Variants in GRN observed in about 807,000 individuals in gnomAD.
The protein encoded by GRN is progranulin.
A neutral mutation model predicts 66.7 loss-of-function variants in GRN; 30 were observed. That is an observed-to-expected ratio of 0.45 (90% CI 0.34 to 0.61). GRN has a LOEUF of 0.61. Among genes scored for constraint, GRN ranks in the 20% least tolerant of loss-of-function variants. The pLI is 0.01. For synonymous variants in GRN, 327 were observed against 311.1 expected, an observed-to-expected ratio of 1.05 and a Z score of -0.54; for missense variants, 731 against 803.5, an observed-to-expected ratio of 0.91 and a Z score of 1.09.
At chr17:44,349,358 A>C in intron 2 of GRN, 56 bp downstream of exon 2, 1 of 1,614,082 alleles carries the variant, frequency 6.2e-7, no homozygotes, top group Non-Finnish European at 8.5e-7. Context: ...CCAAAGGGTC[A>C]TCTTGGATTG....
chr17:44,350,441 G>T lies in GRN; in HGVS notation c.463-1G>T, dbSNP rs63750536. ...ACGGAGTCAGGACCATTTTTTCTCA[G>T]GCTTCCTGCTGTGAAGACAGGGTGC... On this transcript the variant is annotated splice_acceptor_variant, in intron 5 of 12. Transcript: ENST00000053867. LOFTEE classifies it high-confidence loss of function. 6.2e-7 allele frequency: 1 copy of T among 1,613,930 alleles called. No homozygotes were observed.
chr17:44,352,493 G>T lies in GRN; in HGVS notation c.1566G>T (p.Gly522=), dbSNP rs902984872. 6.2e-7 allele frequency: 1 copy of T among 1,613,904 alleles called. No individual in the cohort carries two copies. Among genetic ancestry groups the T allele is most frequent in the African/African-American group, 1.3e-5 (1 of 74,978 alleles). The change falls in exon 12 of 13, where the codon GGG becomes GGT. Residue 522 remains glycine, a synonymous_variant. Coordinates refer to ENST00000053867, the MANE Select transcript of GRN (RefSeq NM_002087.4). ...TGGGTGTGAAGGACGTGGAGTGTGG[G>T]GAAGGACACTTCTGCCATGATAACC... ...PHVGVKDVEC[G]EGHFCHDNQT...
In GRN at chr17:44,351,220, C is replaced by G. The variant is rs530854692; in HGVS notation, c.835+57C>G. 7.9e-5 allele frequency: 126 copies of G among 1,603,742 alleles called. No individual in the cohort carries two copies. The Admixed American group carries it at 1.4e-3, about 18-fold the overall frequency. On this transcript the variant is annotated intron_variant, in intron 8 of 12. Transcript: ENST00000053867. ...GGGCCCCCTTTCCTCCCTTTTAGGC[C>G]TGGCCTTAGGATCACTGCAAGGTGG... is the stretch of plus-strand genomic sequence containing the variant.
At position 44,349,766 on chromosome 17, in the gene GRN, T is replaced by A; in HGVS notation, c.349+15T>A. 2 of 1,560,172 alleles carry A rather than the reference T, an allele frequency of 1.3e-6. No homozygotes were observed. The highest frequency in any genetic ancestry group is 3.3e-5 in the Admixed American group (2 of 59,844). On this transcript the variant is annotated intron_variant, in intron 4 of 12. Coordinates refer to ENST00000053867, the MANE Select transcript of GRN (RefSeq NM_002087.4). Reference sequence around the variant, plus strand: ...CCAAAGATCAGGTGCAGCTGGGGTGTGGGTGCAGGGCAGGCAGACGGGCAG... The same window carrying A: ...CCAAAGATCAGGTGCAGCTGGGGTGAGGGTGCAGGGCAGGCAGACGGGCAG...
rs2048362379 is a variant in GRN at position 44,350,508 on chromosome 17, C to CGGT, written c.530_531insGTG (p.Cys178dup). The CGGT allele has an allele frequency of 1.2e-6, 2 of 1,613,920 alleles. No homozygotes were observed. The highest frequency in any genetic ancestry group is 4.5e-5 in the East Asian group (2 of 44,868). ...TGCCTTCTGCGACCTGGTTCACACC[C>CGGT]GCTGCATCACACCCACGGGCACCCA... is the stretch of plus-strand genomic sequence containing the variant. On this transcript the variant is annotated inframe_insertion, in exon 6 of 13. Coordinates refer to ENST00000053867, the MANE Select transcript of GRN (RefSeq NM_002087.4).
Position 44,352,404 on chromosome 17 carries a change from C to T in GRN, c.1477C>T (p.Arg493Ter), listed in dbSNP as rs63751294. Residue 493 changes from arginine (R) to a stop codon, truncating the protein, a stop_gained, in exon 12 of 13, where the codon CGA becomes TGA. Coordinates refer to ENST00000053867, the MANE Select transcript of GRN (RefSeq NM_002087.4). LOFTEE classifies it high-confidence loss of function. The part of the protein sequence containing the change: ...PAGYTCNVKA[R>*]SCEKEVVSAQ... Reference sequence around the variant, plus strand: ...TGGCTACACCTGCAACGTGAAGGCTCGATCCTGCGAGAAGGAAGTGGTCTC... The same window carrying T: ...TGGCTACACCTGCAACGTGAAGGCTTGATCCTGCGAGAAGGAAGTGGTCTC... The T allele has an allele frequency of 1.3e-5, 21 of 1,614,006 alleles. No homozygotes were observed. Among genetic ancestry groups the T allele is most frequent in the Non-Finnish European group, 1.5e-5 (18 of 1,180,012 alleles).
chr17:44,350,826 G>A, intron 7 of GRN, 26 bp downstream of exon 7: 1 of 1,565,258 alleles, frequency 6.4e-7, no homozygotes, highest in African/African-American at 1.3e-5. Flanking sequence ...GAGCCAGCTT[G>A]GCTGTGTGCC....
intron 4 of GRN, 111 bp downstream of exon 4, chr17:44,349,862 C>G (rs973022642): frequency 1.7e-5 from 13 of 749,426 alleles, no homozygotes; most frequent in South Asian, 9.2e-5. Context: ...TGCCCTCATT[C>G]ATGTGGCATC....
Position 44,349,687 on chromosome 17 carries a change from C to T in GRN, c.285C>T (p.Gly95=), listed in dbSNP as rs370619392. Residue 95 remains glycine, a synonymous_variant, in exon 4 of 13, where the codon GGC becomes GGT. Coordinates refer to ENST00000053867, the MANE Select transcript of GRN (RefSeq NM_002087.4). ...PFPEAVACGD[G]HHCCPRGFHC... ...CACAGGCCGTGGCATGCGGGGATGG[C>T]CATCACTGCTGCCCACGGGGCTTCC... The T allele has an allele frequency of 5.6e-6, 9 of 1,612,578 alleles. No homozygotes were observed. The highest frequency in any genetic ancestry group is 4.5e-5 in the East Asian group (2 of 44,882).
Position 44,350,229 on chromosome 17 carries a change from T to G in GRN, c.351T>G (p.Gly117=), listed in dbSNP as rs2143331256. 16 of 1,606,946 alleles carry G rather than the reference T, an allele frequency of 1.0e-5. No individual in the cohort carries two copies. The highest frequency in any genetic ancestry group is 1.2e-5 in the Non-Finnish European group (14 of 1,173,592). Residue 117 remains glycine, a splice_region_variant and synonymous_variant, in exon 5 of 13, where the codon GGT becomes GGG. Transcript: ENST00000053867. ...ADGRSCFQRS[G]NNSVGAIQCP... is the part of the protein sequence containing the mutation. ...TATCCTGGGTCATCTTGTCCACAGG[T>G]AACAACTCCGTGGGTGCCATCCAGT...
At position 44,351,058 on chromosome 17, in the gene GRN, C is replaced by T. The variant is rs1252010813; in HGVS notation, c.730C>T (p.Leu244=). 5.6e-6 allele frequency: 9 copies of T among 1,613,844 alleles called. No individual in the cohort carries two copies. Among genetic ancestry groups the T allele is most frequent in the Non-Finnish European group, 6.8e-6 (8 of 1,179,946 alleles). The part of the protein sequence containing the change: ...MPNATCCSDH[L]HCCPQDTVCD... Reference sequence around the variant, plus strand: ...TCAGGCCACCTGCTGCTCCGATCACCTGCACTGCTGCCCCCAAGACACTGT... The same window carrying T: ...TCAGGCCACCTGCTGCTCCGATCACTTGCACTGCTGCCCCCAAGACACTGT... Residue 244 remains leucine, a synonymous_variant, in exon 8 of 13, where the codon CTG becomes TTG. Coordinates refer to ENST00000053867, the MANE Select transcript of GRN (RefSeq NM_002087.4).
At position 44,352,454 on chromosome 17, in the gene GRN, C is replaced by A; in HGVS notation, c.1527C>A (p.Ala509=). ...VVSAQPATFL[A]RSPHVGVKDV... is the part of the protein sequence containing the mutation. ...CTGCCCAGCCTGCCACCTTCCTGGC[C>A]CGTAGCCCTCACGTGGGTGTGAAGG... The change falls in exon 12 of 13, where the codon GCC becomes GCA. Residue 509 remains alanine (A), a synonymous_variant. Transcript: ENST00000053867. 1.9e-6 allele frequency: 3 copies of A among 1,614,138 alleles called. No individual in the cohort carries two copies. Among genetic ancestry groups the A allele is most frequent in the Non-Finnish European group, 2.5e-6 (3 of 1,179,990 alleles).
intron 9 of GRN, 31 bp downstream of exon 9, chr17:44,351,491 GCA>G (rs1205892027): frequency 9.9e-6 from 16 of 1,613,260 alleles, no homozygotes; most frequent in Non-Finnish European, 1.4e-5. Context: ...GGTGGGCTGA[GCA>G]CAGTGTGGCA....
In GRN at chr17:44,352,621, C is replaced by T. The variant is rs57745105; in HGVS notation, c.1645-40C>T. Reference sequence around the variant, plus strand: ...GCTGGGTATGGCCAGGGACCAGGTCCCACCTCGTCCAACCCTCTCGCCCCC... The same window carrying T: ...GCTGGGTATGGCCAGGGACCAGGTCTCACCTCGTCCAACCCTCTCGCCCCC... On this transcript the variant is annotated intron_variant, in intron 12 of 12. Transcript: ENST00000053867. The T allele has an allele frequency of 1.5e-3, 2,431 of 1,610,766 alleles. 34 individuals are homozygous for T. The African/African-American group carries it at 0.03, about 20-fold the overall frequency.
rs367588329 is a variant in GRN, at chr17:44,349,648, G to C, written c.265-19G>C. 6.2e-7 allele frequency: 1 copy of C among 1,612,682 alleles called. No homozygotes were observed. On this transcript the variant is annotated intron_variant, in intron 3 of 12. Transcript: ENST00000053867. ...AGATAAAAGGGCCCTGCCAATGCAG[G>C]TTTCTCTGTGTTCCACAGGCCGTGG...
Position 44,350,424 on chromosome 17 carries a change from A to G in GRN, c.463-18A>G. 1.9e-6 allele frequency: 3 copies of G among 1,613,814 alleles called. No individual in the cohort carries two copies. Among genetic ancestry groups the G allele is most frequent in the Non-Finnish European group, 2.5e-6 (3 of 1,179,924 alleles). ...AGGGGCAGGGGGTGAAGACGGAGTC[A>G]GGACCATTTTTTCTCAGGCTTCCTG... On this transcript the variant is annotated intron_variant, in intron 5 of 12. Transcript: ENST00000053867.
chr17:44,347,553 C>T (rs1003248637), intron 1 of GRN, among the ~76,000 whole-genome samples: 11 of 151,704 alleles, frequency 7.3e-5, no homozygotes, highest in Non-Finnish European at 1.3e-4. Context: ...TCCCAAAGTG[C>T]TGGGATTACA....
intron 2 of GRN, 22 bp from the exon 3 acceptor site, chr17:44,349,404 A>T (rs1285843608): frequency 6.2e-7 from 1 of 1,614,198 alleles, no homozygotes; most frequent in Admixed American, 1.7e-5. Flanking sequence ...TCTGTGGTTT[A>T]TCATTTTCCC....
In GRN at chr17:44,352,621, C is replaced by G. The variant is rs57745105; in HGVS notation, c.1645-40C>G. ...GCTGGGTATGGCCAGGGACCAGGTC[C>G]CACCTCGTCCAACCCTCTCGCCCCC... On this transcript the variant is annotated intron_variant, in intron 12 of 12. Transcript: ENST00000053867. 3 of 1,610,766 alleles carry G rather than the reference C, an allele frequency of 1.9e-6. No homozygotes were observed. The South Asian group carries it at 3.3e-5, about 18-fold the overall frequency.
Sources: gnomAD v4.1 joint callset for allele counts (sites outside exome capture counted in the v4.1 genomes callset) on GRCh38, gnomAD v4.1.1 for gene constraint, MANE v1.5 for transcripts, NCBI Gene and HGNC (gene_info 2026-07-23, HGNC 2026-07-21) for gene names.